Variants in ACVRL1 observed in about 807,000 individuals in gnomAD.
ACVRL1 encodes activin receptor type-1-like.
ACVRL1 carries 20 observed loss-of-function variants against 51.9 expected under a neutral mutation model. That is an observed-to-expected ratio of 0.39 (90% CI 0.27 to 0.56). The LOEUF (loss-of-function observed/expected upper bound fraction) is 0.56. Ranked by LOEUF, ACVRL1 falls within the 20% of genes least tolerant of loss-of-function variation. ACVRL1 has a pLI of 0.67. For synonymous variants in ACVRL1, 288 were observed against 280.9 expected (o/e 1.03, Z -0.25); for missense variants, 451 against 670.3 (o/e 0.67, Z 3.61).
chr12:51,910,163 G>A (rs1013588175), intron 1 of ACVRL1, among the ~76,000 whole-genome samples: 4 of 152,148 alleles, frequency 2.6e-5, no homozygotes, highest in African/African-American at 9.7e-5. Context: ...CCATAGATGG[G>A]TTCTGCAGAT....
chr12:51,920,311 G>A (rs1463991343), intron 9 of ACVRL1, among the ~76,000 whole-genome samples: 1 of 152,214 alleles, frequency 6.6e-6, no homozygotes, highest in East Asian at 1.9e-4. Context: ...GGCTGTGGAT[G>A]GGGATGTGGG....
chr12:51,910,742 C>T (rs952346342), intron 1 of ACVRL1, among the ~76,000 whole-genome samples: 1 of 152,316 alleles, frequency 6.6e-6, no homozygotes, highest in African/African-American at 2.4e-5. Flanking sequence ...CCCATCCCAC[C>T]GTCAGTCCTG....
At position 51,913,310 on chromosome 12, in the gene ACVRL1, C is replaced by T. The variant is rs1940740378; in HGVS notation, c.273C>T (p.Asp91=). 1 of 1,611,562 alleles carries T rather than the reference C, an allele frequency of 6.2e-7. No individual in the cohort carries two copies. Among genetic ancestry groups the T allele is most frequent in the African/African-American group, 1.3e-5 (1 of 74,882 alleles). ...PTEFVNHYCC[D]SHLCNHNVSL... is the part of the protein sequence containing the mutation. The stretch of plus-strand genomic sequence containing the variant: ...AGTTCGTCAACCACTACTGCTGCGA[C>T]AGCCACCTCTGCAACCACAACGTGT... Residue 91 remains aspartate (D), a synonymous_variant, in exon 3 of 10, where the codon GAC becomes GAT. Coordinates refer to ENST00000388922, the MANE Select transcript of ACVRL1 (RefSeq NM_000020.3).
chr12:51,920,931 T>TGGGGGTGGGGGGGGGGGG lies in ACVRL1; in HGVS notation c.*43_*44insTGGGGGGGGGGGGGGGGG. ...TGATTCCTTTCTGCCTGCAGGGGGC[T>TGGGGGTGGGGGGGGGGGG]GGGGGGGTGGGGGGCAGTGGATGGT... On this transcript the variant is annotated 3_prime_UTR_variant, in exon 10 of 10. Coordinates refer to ENST00000388922, the MANE Select transcript of ACVRL1 (RefSeq NM_000020.3). The TGGGGGTGGGGGGGGGGGG allele has an allele frequency of 4.9e-6, 1 of 203,032 alleles. No individual in the cohort carries two copies. Among genetic ancestry groups the TGGGGGTGGGGGGGGGGGG allele is most frequent in the Non-Finnish European group, 9.6e-6 (1 of 104,512 alleles). The allele number at this position is 203,032 out of a possible 1,614,324, so 12.6% of individuals were successfully genotyped here. A position where few individuals can be genotyped will look rare whatever the true frequency, so the allele number is the denominator to read the frequency against.
chr12:51,915,301 C>T lies in ACVRL1; in HGVS notation c.849C>T (p.Gly283=), dbSNP rs1353694227. The change falls in exon 7 of 10, where the codon GGC becomes GGT. Residue 283 remains glycine (G), a synonymous_variant. Transcript: ENST00000388922. The part of the protein sequence containing the change: ...LWLITHYHEH[G]SLYDFLQRQT... ...TCATCACGCACTACCACGAGCACGG[C>T]TCCCTCTACGACTTTCTGCAGAGAC... is the stretch of plus-strand genomic sequence containing the variant. 6.2e-7 allele frequency: 1 copy of T among 1,614,200 alleles called. No homozygotes were observed. Among genetic ancestry groups the T allele is most frequent in the Admixed American group, 1.7e-5 (1 of 60,034 alleles).
intron 1 of ACVRL1, among the ~76,000 whole-genome samples, chr12:51,908,445 C>T (rs1467548619): frequency 1.3e-5 from 2 of 152,216 alleles, no homozygotes; most frequent in Non-Finnish European, 2.9e-5. Context: ...TCTCACCTGT[C>T]CCCCCATTTC....
At position 51,913,546 on chromosome 12, in the gene ACVRL1, C is replaced by T. The variant is rs559185621; in HGVS notation, c.314-13C>T. ...CCTAGTGGAAGCTGAGCCTCAGTGT[C>T]CCCCTCCCTCAGCCACCCAACCTCC... On this transcript the variant is annotated splice_polypyrimidine_tract_variant and intron_variant, in intron 3 of 9. Transcript: ENST00000388922. The T allele has an allele frequency of 1.1e-4, 176 of 1,593,902 alleles. 1 individual carries two copies. The highest frequency in any genetic ancestry group is 2.7e-5 in the Non-Finnish European group (32 of 1,178,498).
intron 7 of ACVRL1, 75 bp from the exon 8 acceptor site, chr12:51,915,961 T>G (rs1940828157): frequency 1.3e-6 from 2 of 1,523,056 alleles, no homozygotes; most frequent in African/African-American, 2.7e-5. Context: ...ACTGTTTCTC[T>G]CAGTCCCCAC....
Position 51,922,567 on chromosome 12 carries a change from T to C in ACVRL1, c.*1674T>C, listed in dbSNP as rs1941009143. The C allele has an allele frequency of 6.6e-6, 1 of 152,238 alleles. No individual in the cohort carries two copies. The highest frequency in any genetic ancestry group is 1.5e-5 in the Non-Finnish European group (1 of 68,114). 9.4% of individuals were successfully genotyped at this position (152,238 alleles called of 1,614,324 possible). ...GTTTGGCATTTGGAAATTTCAAGGA[T>C]GTATGTATGCTCACGTATGGAGCAG... On this transcript the variant is annotated 3_prime_UTR_variant, in exon 10 of 10. Coordinates refer to ENST00000388922, the MANE Select transcript of ACVRL1 (RefSeq NM_000020.3).
intron 1 of ACVRL1, among the ~76,000 whole-genome samples, chr12:51,911,915 C>T (rs887103518): frequency 1.2e-4 from 19 of 152,196 alleles, no homozygotes; most frequent in Admixed American, 2.6e-4. Context: ...CCCTGCTGTG[C>T]GTGACTCCTG....
intron 9 of ACVRL1, 150 bp downstream of exon 9, chr12:51,919,265 A>G: frequency 8.2e-7 from 1 of 1,224,044 alleles, no homozygotes; most frequent in Non-Finnish European, 1.2e-6. Context: ...CCCTCTTTCA[A>G]CCCTGGCCCA....
intron 8 of ACVRL1, 67 bp downstream of exon 8, chr12:51,916,300 A>C: frequency 6.5e-7 from 1 of 1,550,382 alleles, no homozygotes; most frequent in South Asian, 1.2e-5. Flanking sequence ...GCTTCCAGCC[A>C]TGGCCAGTGC....
intron 5 of ACVRL1, 87 bp from the exon 6 acceptor site, chr12:51,914,352 G>T: frequency 6.3e-7 from 1 of 1,586,764 alleles, no homozygotes; most frequent in African/African-American, 1.3e-5. Context: ...GGGTGGGCGA[G>T]GGAGGCAGCG....
intron 8 of ACVRL1, among the ~76,000 whole-genome samples, chr12:51,916,455 A>G (rs77818708): frequency 1.1e-3 from 163 of 152,374 alleles, no homozygotes; most frequent in African/African-American, 3.7e-3. Context: ...TCTTGGGTAC[A>G]TGATAATAAC....
At chr12:51,919,713 A>G (rs1940924930) in intron 9 of ACVRL1, among the ~76,000 whole-genome samples, 1 of 151,988 alleles carries the variant, frequency 6.6e-6, no homozygotes. Flanking sequence ...TTTTGTTGCT[A>G]TTTGTCTTTG....
chr12:51,920,785 G>A lies in ACVRL1; in HGVS notation c.1404G>A (p.Met468Ile). The A allele has an allele frequency of 6.2e-7, 1 of 1,613,934 alleles. No individual in the cohort carries two copies. Among genetic ancestry groups the A allele is most frequent in the Non-Finnish European group, 8.5e-7 (1 of 1,180,018 alleles). The change falls in exon 10 of 10, where the codon ATG becomes ATA. Residue 468 changes from methionine to isoleucine, a missense_variant. Coordinates refer to ENST00000388922, the MANE Select transcript of ACVRL1 (RefSeq NM_000020.3). ...DPVLSGLAQM[M>I]RECWYPNPSA... Reference sequence around the variant, plus strand: ...TCCTCTCAGGCCTAGCTCAGATGATGCGGGAGTGCTGGTACCCAAACCCCT... The same window carrying A: ...TCCTCTCAGGCCTAGCTCAGATGATACGGGAGTGCTGGTACCCAAACCCCT...
chr12:51,920,560 C>T lies in ACVRL1; in HGVS notation c.1378-199C>T, dbSNP rs938573960. Among the ~76,000 whole-genome samples the T allele has an allele frequency of 5.9e-5, 9 of 152,036 alleles. 1 individual carries two copies. The highest frequency in any genetic ancestry group is 4.1e-4 in the South Asian group (2 of 4,822). Reference sequence around the variant, plus strand: ...CTCTCTCACCACTTGTCTTTCCTCTCGCTCTCCTTTCCAATGCTCTCATCT... The same window carrying T: ...CTCTCTCACCACTTGTCTTTCCTCTTGCTCTCCTTTCCAATGCTCTCATCT... On this transcript the variant is annotated intron_variant, in intron 9 of 9. Transcript: ENST00000388922.
At chr12:51,908,993 G>A (rs115949678) in intron 1 of ACVRL1, among the ~76,000 whole-genome samples, 12 of 152,210 alleles carry the variant, frequency 7.9e-5, no homozygotes, top group South Asian at 6.2e-4. Context: ...TGGATGAATC[G>A]TAAGGGCAAC....
chr12:51,911,532 A>G (rs1940689278), intron 1 of ACVRL1, among the ~76,000 whole-genome samples: 1 of 152,206 alleles, frequency 6.6e-6, no homozygotes. Flanking sequence ...TACACCTGGC[A>G]TGACCCTGCC....
Sources: allele counts gnomAD v4.1 joint callset (sites outside exome capture counted in the v4.1 genomes callset), GRCh38; gene constraint gnomAD v4.1.1; transcripts MANE v1.5; gene names NCBI Gene and HGNC (gene_info 2026-07-23, HGNC 2026-07-21).